Variants in PGAP3 observed in about 807,000 individuals in gnomAD.
PGAP3 encodes post-GPI attachment to proteins phospholipase 3, also known as GPI-specific phospholipase A2-like PGAP3.
A neutral mutation model predicts 40.3 loss-of-function variants in PGAP3; 31 were observed. The ratio of observed to expected loss-of-function variants is 0.77; its 90% CI spans 0.58 to 1.04. PGAP3 has a LOEUF of 1.04. PGAP3 is among the 50% of genes least tolerant of loss of function. The pLI, the probability that PGAP3 is intolerant of heterozygous loss-of-function variation, is 0.00. For synonymous variants in PGAP3, 191 were observed against 184.5 expected, an observed-to-expected ratio of 1.04 and a Z score of -0.29; for missense variants, 413 against 423.0, an observed-to-expected ratio of 0.98 and a Z score of 0.21.
chr17:39,674,118 G>C (rs1031297164), intron 4 of PGAP3, 64 bp from the exon 5 acceptor site: 1 of 1,533,608 alleles, frequency 6.5e-7, no homozygotes, highest in African/African-American at 1.4e-5. Flanking sequence ...CCGCGGGGAT[G>C]GGGGCATGGA....
chr17:39,680,533 G>A (rs2057426567), intron 3 of PGAP3, among the ~76,000 whole-genome samples: 1 of 152,126 alleles, frequency 6.6e-6, no homozygotes, highest in Non-Finnish European at 1.5e-5. Context: ...GGACTTCGCA[G>A]CACGCCCCAT....
intron 3 of PGAP3, among the ~76,000 whole-genome samples, chr17:39,684,111 T>G (rs2057475755): frequency 8.7e-6 from 1 of 114,322 alleles, no homozygotes; most frequent in Non-Finnish European, 1.6e-5. Context: ...GGTGACACAG[T>G]GAGACTCTGT....
intron 3 of PGAP3, among the ~76,000 whole-genome samples, chr17:39,677,928 G>A (rs1336425949): frequency 6.6e-6 from 1 of 152,186 alleles, no homozygotes; most frequent in African/African-American, 2.4e-5. Flanking sequence ...AAATAGCTCA[G>A]TGTCTCAGAA....
In PGAP3 at chr17:39,684,696, C is replaced by A. The variant is rs143327410; in HGVS notation, c.333G>T (p.Ser111=). The change falls in exon 3 of 8, where the codon TCG becomes TCT. Residue 111 remains serine, a synonymous_variant. Coordinates refer to ENST00000300658, the MANE Select transcript of PGAP3 (RefSeq NM_033419.5). ...CCAGGCTGGCCAGGCCATTGAGAAA[C>A]GAGGCCACGGCCGATGCCGGCTCTT... is the stretch of plus-strand genomic sequence containing the variant. ...FFQEPASAVA[S]FLNGLASLVM... is the part of the protein sequence containing the mutation. The A allele has an allele frequency of 5.0e-6, 8 of 1,613,594 alleles. No homozygotes were observed. In the East Asian group the frequency reaches 1.6e-4, roughly 31 times the overall value.
At chr17:39,687,499 C>A (rs1337731954) in intron 1 of PGAP3, among the ~76,000 whole-genome samples, 1 of 152,214 alleles carries the variant, frequency 6.6e-6, no homozygotes, top group African/African-American at 2.4e-5. Flanking sequence ...TTCAGGGGCT[C>A]AAATCATTCT....
chr17:39,673,626 A>G lies in PGAP3; in HGVS notation c.582T>C (p.Ala194=). 1 of 1,614,074 alleles carries G rather than the reference A, an allele frequency of 6.2e-7. No homozygotes were observed. Among genetic ancestry groups the G allele is most frequent in the Non-Finnish European group, 8.5e-7 (1 of 1,180,002 alleles). ...CVRTVGLQHP[A]VVSAFRALLL... is the part of the protein sequence containing the mutation. ...GGAGAGCCCGGAAGGCACTGACCACAGCTGGGTGCTGCAGCCCCACGGTCC... is the reference window on the plus strand; with the variant it reads ...GGAGAGCCCGGAAGGCACTGACCACGGCTGGGTGCTGCAGCCCCACGGTCC... Residue 194 remains alanine, a synonymous_variant, in exon 6 of 8, where the codon GCT becomes GCC. Coordinates refer to ENST00000300658, the MANE Select transcript of PGAP3 (RefSeq NM_033419.5).
rs2057305931 is a variant in PGAP3, at chr17:39,671,556, CTA to C, written c.*1245_*1246del. 6.6e-6 allele frequency: 1 copy of C among 152,526 alleles called. No homozygotes were observed. The highest frequency in any genetic ancestry group is 1.5e-5 in the Non-Finnish European group (1 of 68,154). 9.4% of individuals were successfully genotyped at this position (152,526 alleles called of 1,614,324 possible). ...CCCCTTCCTCCTCCCCAAAATCAGG[CTA>C]TGGCAAAGGGGCTGGCAGCAGGGGA... On this transcript the variant is annotated 3_prime_UTR_variant, in exon 8 of 8. Transcript: ENST00000300658.
At chr17:39,682,530 G>A (rs905818483) in intron 3 of PGAP3, among the ~76,000 whole-genome samples, 19 of 152,136 alleles carry the variant, frequency 1.2e-4, no homozygotes, top group African/African-American at 3.9e-4. Context: ...AGCTATGTAT[G>A]TATTTGTTAA....
intron 3 of PGAP3, among the ~76,000 whole-genome samples, 166 bp downstream of exon 3, chr17:39,684,431 C>A (rs1018968272): frequency 5.3e-5 from 8 of 152,202 alleles, no homozygotes; most frequent in Admixed American, 3.3e-4. Context: ...CGATTCAGCA[C>A]CCTCCCTGTT....
At position 39,672,532 on chromosome 17, in the gene PGAP3, G is replaced by T. The variant is rs2057319993; in HGVS notation, c.*271C>A. On this transcript the variant is annotated 3_prime_UTR_variant, in exon 8 of 8. Transcript: ENST00000300658. The stretch of plus-strand genomic sequence containing the variant: ...GCAGCTGTCCTCCCGGTAGAGCTAA[G>T]AGCACACTCAGTTCCACCCCAGTTC... 1 of 542,970 alleles carries T rather than the reference G, an allele frequency of 1.8e-6. No individual in the cohort carries two copies. 33.6% of individuals were successfully genotyped at this position (542,970 alleles called of 1,614,324 possible).
intron 2 of PGAP3, chr17:39,685,006 T>G (rs1349497565): frequency 2.4e-6 from 1 of 419,608 alleles, no homozygotes; most frequent in African/African-American, 2.1e-5. Context: ...TGGGTCAGGG[T>G]AGATGACTCA....
At chr17:39,674,775 G>C (rs1348183525) in intron 3 of PGAP3, 96 bp from the exon 4 acceptor site, 2 of 1,238,002 alleles carry the variant, frequency 1.6e-6, no homozygotes, top group African/African-American at 3.0e-5. Context: ...TTGGGAAGGG[G>C]CTCTGCAGGA....
chr17:39,687,197 T>C (rs1381004359), intron 1 of PGAP3, among the ~76,000 whole-genome samples: 1 of 152,246 alleles, frequency 6.6e-6, no homozygotes, highest in Non-Finnish European at 1.5e-5. Flanking sequence ...CTTTACTACA[T>C]ACTGGCTGTG....
At chr17:39,687,530 C>T (rs1350727736) in intron 1 of PGAP3, among the ~76,000 whole-genome samples, 4 of 152,228 alleles carry the variant, frequency 2.6e-5, no homozygotes, top group African/African-American at 9.6e-5. Context: ...CTTGAAAAGG[C>T]TCATGTCCCC....
intron 2 of PGAP3, 88 bp from the exon 3 acceptor site, chr17:39,684,837 G>C: frequency 2.1e-6 from 3 of 1,425,364 alleles, no homozygotes; most frequent in East Asian, 5.0e-5. Context: ...TGAAGCAACA[G>C]GTCCTCAGCT....
chr17:39,684,437 C>T (rs891731559), intron 3 of PGAP3, among the ~76,000 whole-genome samples, 160 bp downstream of exon 3: 1 of 152,226 alleles, frequency 6.6e-6, no homozygotes, highest in African/African-American at 2.4e-5. Flanking sequence ...AGCACCCTCC[C>T]TGTTTTCTCC....
At chr17:39,673,718 TCTC>T in intron 5 of PGAP3, 68 bp from the exon 6 acceptor site, 1 of 1,589,526 alleles carries the variant, frequency 6.3e-7, no homozygotes. Flanking sequence ...CCCTGAAGCA[TCTC>T]CTCCCCCCAA....
chr17:39,673,308 A>G, intron 6 of PGAP3, 53 bp from the exon 7 acceptor site: 2 of 1,557,502 alleles, frequency 1.3e-6, no homozygotes, highest in Middle Eastern at 1.9e-4. Context: ...CTTCTCCCCA[A>G]GGCCACCCCC....
chr17:39,682,201 G>C (rs2057449527), intron 3 of PGAP3, among the ~76,000 whole-genome samples: 1 of 126,452 alleles, frequency 7.9e-6, no homozygotes, highest in African/African-American at 3.1e-5. Context: ...ACTCCAGCCT[G>C]GGTGACAGAG....
Sources: gnomAD v4.1 joint callset for allele counts (sites outside exome capture counted in the v4.1 genomes callset) on GRCh38, gnomAD v4.1.1 for gene constraint, MANE v1.5 for transcripts, NCBI Gene and HGNC (gene_info 2026-07-23, HGNC 2026-07-21) for gene names.